Variants in CNNM2 observed in about 807,000 individuals in gnomAD.
CNNM2 encodes the protein cyclin and CBS domain divalent metal cation transport mediator 2.
In CNNM2, 12 loss-of-function variants were observed where a neutral mutation model predicts 66.9. That is an observed-to-expected ratio of 0.18 (90% CI 0.11 to 0.29). The LOEUF (loss-of-function observed/expected upper bound fraction) is 0.29, where lower values mean the gene tolerates loss of function less well. CNNM2 is among the 10% of genes least tolerant of loss of function. CNNM2 has a pLI of 1.00. For missense variants in CNNM2, 705 were observed against 1,167.7 expected, an observed-to-expected ratio of 0.60 and a Z score of 5.77; for synonymous variants, 557 against 501.8, an observed-to-expected ratio of 1.11 and a Z score of -1.47.
intron 1 of CNNM2, among the ~76,000 whole-genome samples, chr10:103,040,090 C>T (rs888936045): frequency 3.9e-5 from 6 of 151,936 alleles, no homozygotes; most frequent in Non-Finnish European, 8.8e-5. Context: ...TCACTTGAAC[C>T]TGGGAGGTAG....
intron 1 of CNNM2, among the ~76,000 whole-genome samples, chr10:103,033,963 G>A (rs1564854029): frequency 6.6e-6 from 1 of 152,060 alleles, no homozygotes; most frequent in Non-Finnish European, 1.5e-5. Context: ...AAAGTAAAAT[G>A]CTAGGATTTT....
At chr10:103,013,474 G>A (rs530335199) in intron 1 of CNNM2, among the ~76,000 whole-genome samples, 7 of 152,248 alleles carry the variant, frequency 4.6e-5, no homozygotes, top group African/African-American at 1.7e-4. Flanking sequence ...TCTGCTACCT[G>A]GTGGGTTAAA....
Position 103,083,686 on chromosome 10 carries a change from AT to A in CNNM2, c.*6507del, listed in dbSNP as rs1471200907. ...CTGTTCTCCATCAGTTACTCTCTAC[AT>A]AAGAACATTCGGAGTATCCAGTCAA... is the stretch of plus-strand genomic sequence containing the variant. On this transcript the variant is annotated 3_prime_UTR_variant, in exon 8 of 8. Coordinates refer to ENST00000369878, the MANE Select transcript of CNNM2 (RefSeq NM_017649.5). 1 of 152,210 alleles carries A rather than the reference AT, an allele frequency of 6.6e-6. No individual in the cohort carries two copies. The allele number at this position is 152,210 out of a possible 1,614,324, so 9.4% of individuals were successfully genotyped here. A position where few individuals can be genotyped will look rare whatever the true frequency, so the allele number is the denominator to read the frequency against.
At chr10:103,009,620 G>C (rs1239230248) in intron 1 of CNNM2, among the ~76,000 whole-genome samples, 1 of 150,000 alleles carries the variant, frequency 6.7e-6, no homozygotes, top group Non-Finnish European at 1.5e-5. Context: ...GAGCCCAGGA[G>C]GTGGGAGGCT....
intron 1 of CNNM2, among the ~76,000 whole-genome samples, chr10:103,012,004 T>A (rs1222511846): frequency 6.6e-6 from 1 of 152,138 alleles, no homozygotes; most frequent in Non-Finnish European, 1.5e-5. Flanking sequence ...TGTATACAAT[T>A]TTTAAAGCAC....
intron 1 of CNNM2, among the ~76,000 whole-genome samples, chr10:103,045,591 C>T (rs527343180): frequency 6.6e-6 from 1 of 151,262 alleles, no homozygotes; most frequent in Non-Finnish European, 1.5e-5. Flanking sequence ...TGCACCCCAC[C>T]CCCCGCCACC....
At position 102,922,845 on chromosome 10, in the gene CNNM2, G is replaced by A. The variant is rs77602510; in HGVS notation, c.1621+2744G>A. Among the ~76,000 whole-genome samples, 14,309 of 151,850 alleles carry A rather than the reference G, an allele frequency of 0.094. 875 individuals are homozygous for A. The highest frequency in any genetic ancestry group is 0.28 in the East Asian group (1,425 of 5,148). ...GGTCCCAGCTCCTTGGGAGGCCTGA[G>A]GTGGGAGGATTCCTTGAGCCTGGGA... is the stretch of plus-strand genomic sequence containing the variant. On this transcript the variant is annotated intron_variant, in intron 1 of 7. Transcript: ENST00000369878.
Position 102,998,158 on chromosome 10 carries a change from C to G in CNNM2, c.1622-51549C>G, listed in dbSNP as rs114319817. Among the ~76,000 whole-genome samples the G allele has an allele frequency of 8.2e-3, 1,251 of 152,254 alleles. 20 individuals carry two copies. Among genetic ancestry groups the G allele is most frequent in the African/African-American group, 0.028 (1,147 of 41,546 alleles). ...ATTAGTCCCTTAGACTGAAGCCACA[C>G]TTGTGTTTTTCTTACTCATAATGCA... On this transcript the variant is annotated intron_variant, in intron 1 of 7. Coordinates refer to ENST00000369878, the MANE Select transcript of CNNM2 (RefSeq NM_017649.5).
chr10:102,999,535 G>T (rs1364198017), intron 1 of CNNM2, among the ~76,000 whole-genome samples: 1 of 152,014 alleles, frequency 6.6e-6, no homozygotes, highest in Non-Finnish European at 1.5e-5. Flanking sequence ...GACTCAAATG[G>T]AAAGCTGTGT....
intron 1 of CNNM2, among the ~76,000 whole-genome samples, chr10:102,964,982 G>A (rs540455266): frequency 6.6e-6 from 1 of 152,112 alleles, no homozygotes; most frequent in African/African-American, 2.4e-5. Context: ...TGCCCTCTGC[G>A]GTGTGAAGAC....
chr10:103,066,893 A>G (rs1049881454), intron 4 of CNNM2, among the ~76,000 whole-genome samples: 10 of 152,084 alleles, frequency 6.6e-5, no homozygotes, highest in Admixed American at 5.9e-4. Flanking sequence ...GCACCTGCCC[A>G]TTTGCAGGTG....
chr10:103,003,108 G>A (rs969050206), intron 1 of CNNM2, among the ~76,000 whole-genome samples: 2 of 122,410 alleles, frequency 1.6e-5, no homozygotes, highest in African/African-American at 6.3e-5. Flanking sequence ...GCTATAACAT[G>A]TGTGAATCTT....
At chr10:103,059,083 C>G (rs1250474031) in intron 4 of CNNM2, among the ~76,000 whole-genome samples, 1 of 152,158 alleles carries the variant, frequency 6.6e-6, no homozygotes. Flanking sequence ...AAGCAATTCT[C>G]CTGCCTCAGG....
At chr10:102,949,533 T>C (rs936966760) in intron 1 of CNNM2, among the ~76,000 whole-genome samples, 3 of 151,708 alleles carry the variant, frequency 2.0e-5, no homozygotes, top group Non-Finnish European at 4.4e-5. Flanking sequence ...CCTGTAATTC[T>C]AGCACTTTGG....
chr10:103,002,270 A>G (rs186953742), intron 1 of CNNM2, among the ~76,000 whole-genome samples: 15 of 152,312 alleles, frequency 9.8e-5, no homozygotes, highest in Admixed American at 9.8e-4. Flanking sequence ...ATACAACTTA[A>G]TAGTAAAAAG....
intron 1 of CNNM2, among the ~76,000 whole-genome samples, chr10:102,928,582 CA>C (rs34854394): frequency 0.59 from 71,680 of 120,904 alleles, 18,309 homozygotes; most frequent in African/African-American, 0.62. Flanking sequence ...AACTCTGTCT[CA>C]AAAAAAAAAA....
Position 103,078,161 on chromosome 10 carries a change from G to A in CNNM2, c.*981G>A, listed in dbSNP as rs1320957482. 1 of 152,328 alleles carries A rather than the reference G, an allele frequency of 6.6e-6. No individual in the cohort carries two copies. The highest frequency in any genetic ancestry group is 1.5e-5 in the Non-Finnish European group (1 of 68,114). The allele number at this position is 152,328 out of a possible 1,614,324, so 9.4% of individuals were successfully genotyped here. A position where few individuals can be genotyped will look rare whatever the true frequency, so the allele number is the denominator to read the frequency against. On this transcript the variant is annotated 3_prime_UTR_variant, in exon 8 of 8. Coordinates refer to ENST00000369878, the MANE Select transcript of CNNM2 (RefSeq NM_017649.5). ...TTTTTCAGTAAACACGTGATGTGGA[G>A]TGCAAGCTCCTCCCCTTCCCACTAG... is the stretch of plus-strand genomic sequence containing the variant.
At chr10:102,977,909 T>G (rs188174207) in intron 1 of CNNM2, among the ~76,000 whole-genome samples, 2 of 152,070 alleles carry the variant, frequency 1.3e-5, no homozygotes, top group African/African-American at 4.8e-5. Flanking sequence ...CTGGGACCTA[T>G]TTTGTTGTTG....
At chr10:102,941,127 C>T (rs1212950456) in intron 1 of CNNM2, among the ~76,000 whole-genome samples, 1 of 152,160 alleles carries the variant, frequency 6.6e-6, no homozygotes, top group African/African-American at 2.4e-5. Context: ...CATTAAACTT[C>T]CAAGATGGCT....
Sources: gnomAD v4.1 joint callset for allele counts (sites outside exome capture counted in the v4.1 genomes callset) on GRCh38, gnomAD v4.1.1 for gene constraint, MANE v1.5 for transcripts, NCBI Gene and HGNC (gene_info 2026-07-23, HGNC 2026-07-21) for gene names.